Variants in MAPKAP1 observed in about 807,000 individuals in gnomAD.
The protein encoded by MAPKAP1 is MAPK associated protein 1.
MAPKAP1 carries 20 observed loss-of-function variants against 65.7 expected under a neutral mutation model. That is an observed-to-expected ratio of 0.30 (90% CI 0.21 to 0.44). The LOEUF (loss-of-function observed/expected upper bound fraction) is 0.44, where lower values mean the gene tolerates loss of function less well. Ranked by LOEUF, MAPKAP1 falls within the 20% of genes least tolerant of loss-of-function variation. MAPKAP1 has a pLI of 1.00. For synonymous variants in MAPKAP1, 222 were observed against 244.3 expected, an observed-to-expected ratio of 0.91 and a Z score of 0.85; for missense variants, 423 against 648.0, an observed-to-expected ratio of 0.65 and a Z score of 3.77.
intron 1 of MAPKAP1, among the ~76,000 whole-genome samples, chr9:125,705,122 C>T (rs1318941954): frequency 2.0e-5 from 3 of 152,116 alleles, no homozygotes; most frequent in African/African-American, 7.2e-5. Context: ...ATTTCTGTAC[C>T]ATTCATTTTA....
chr9:125,590,013 T>C (rs1428358732), intron 4 of MAPKAP1, among the ~76,000 whole-genome samples: 1 of 152,240 alleles, frequency 6.6e-6, no homozygotes, highest in Non-Finnish European at 1.5e-5. Context: ...GGAATCTTTC[T>C]GGAGTCGGTT....
At chr9:125,609,214 T>C (rs1281349351) in intron 4 of MAPKAP1, among the ~76,000 whole-genome samples, 2 of 152,202 alleles carry the variant, frequency 1.3e-5, no homozygotes, top group Non-Finnish European at 2.9e-5. Flanking sequence ...GCTGAACTGA[T>C]GGGAATGAAA....
rs189194583 is a variant in MAPKAP1 at position 125,496,725 on chromosome 9, T to C, written c.1066+9585A>G. On this transcript the variant is annotated intron_variant, in intron 8 of 11. Coordinates refer to ENST00000265960, the MANE Select transcript of MAPKAP1 (RefSeq NM_001006617.3). Reference sequence around the variant, plus strand: ...TTCATCCTCTTTCTACAGCTGCTTCTTCCCTCTCTCCGTTTCTATTTTGTA... The same window carrying C: ...TTCATCCTCTTTCTACAGCTGCTTCCTCCCTCTCTCCGTTTCTATTTTGTA... Among the ~76,000 whole-genome samples the C allele has an allele frequency of 1.4e-3, 215 of 152,306 alleles. 1 individual carries two copies. The highest frequency in any genetic ancestry group is 2.1e-3 in the Non-Finnish European group (143 of 68,020).
intron 7 of MAPKAP1, chr9:125,521,441 T>C (rs1036810080): frequency 1.3e-5 from 15 of 1,136,632 alleles, no homozygotes; most frequent in Non-Finnish European, 7.6e-6. Context: ...TACAGTTATC[T>C]GTTGCTCTGT....
intron 7 of MAPKAP1, chr9:125,521,649 G>T: frequency 6.5e-7 from 1 of 1,537,968 alleles, no homozygotes; most frequent in Admixed American, 2.2e-5. Context: ...AGAATTTCCC[G>T]TGATGGCAAA....
intron 8 of MAPKAP1, among the ~76,000 whole-genome samples, chr9:125,505,765 C>T (rs1412409688): frequency 1.3e-5 from 2 of 152,224 alleles, no homozygotes; most frequent in Non-Finnish European, 2.9e-5. Context: ...GCCGCAAGCG[C>T]AGTTTCACAC....
chr9:125,565,190 A>C (rs187885023), intron 5 of MAPKAP1, among the ~76,000 whole-genome samples: 5 of 152,328 alleles, frequency 3.3e-5, no homozygotes, highest in African/African-American at 1.2e-4. Flanking sequence ...TAAAAAATTT[A>C]TTTCATTGAA....
intron 7 of MAPKAP1, among the ~76,000 whole-genome samples, chr9:125,524,674 T>A (rs1401315369): frequency 6.6e-6 from 1 of 152,220 alleles, no homozygotes; most frequent in Non-Finnish European, 1.5e-5. Context: ...AGATCTATTA[T>A]CTGGGAGCTG....
In MAPKAP1 at chr9:125,652,100, G is replaced by C. The variant is rs767692827; in HGVS notation, c.498+5551C>G. ...CTAAGGGCAATTTTTCTTTTTACGT[G>C]ATTTCAATTCGCTGACCTTTTCTGA... On this transcript the variant is annotated intron_variant, in intron 4 of 11. Transcript: ENST00000265960. The C allele has an allele frequency of 1.1e-5, 14 of 1,262,642 alleles. No homozygotes were observed. The South Asian group carries it at 1.9e-4, about 17-fold the overall frequency. 78.2% of individuals were successfully genotyped at this position (1,262,642 alleles called of 1,614,324 possible).
chr9:125,533,677 G>C (rs1312994364), intron 7 of MAPKAP1, among the ~76,000 whole-genome samples: 1 of 152,054 alleles, frequency 6.6e-6, no homozygotes, highest in African/African-American at 2.4e-5. Flanking sequence ...TCTCAAACTC[G>C]ACCTCAGGTG....
chr9:125,519,630 T>C (rs148919155), intron 7 of MAPKAP1, among the ~76,000 whole-genome samples: 13 of 142,056 alleles, frequency 9.2e-5, no homozygotes, highest in African/African-American at 2.8e-4. Flanking sequence ...CCTTGTCTAA[T>C]ATATATACAT....
intron 5 of MAPKAP1, among the ~76,000 whole-genome samples, chr9:125,572,247 C>G (rs1482115250): frequency 6.6e-6 from 1 of 152,076 alleles, no homozygotes; most frequent in Non-Finnish European, 1.5e-5. Context: ...CTTGGGACCC[C>G]AAGAGGAGAG....
At chr9:125,624,328 A>G (rs71481304) in intron 4 of MAPKAP1, among the ~76,000 whole-genome samples, 6,166 of 9,302 alleles carry the variant, frequency 0.66, 2,178 homozygotes, top group East Asian at 0.97. Context: ...CCGTCCGGGA[A>G]GGAGGTGGGG....
At chr9:125,561,768 T>C (rs1226159611) in intron 5 of MAPKAP1, among the ~76,000 whole-genome samples, 1 of 152,128 alleles carries the variant, frequency 6.6e-6, no homozygotes, top group Non-Finnish European at 1.5e-5. Context: ...AAAGATTAGA[T>C]CAGATAATAT....
chr9:125,586,431 C>T (rs1831787191), intron 4 of MAPKAP1, among the ~76,000 whole-genome samples: 1 of 152,144 alleles, frequency 6.6e-6, no homozygotes, highest in Non-Finnish European at 1.5e-5. Context: ...ATTTCCTCTA[C>T]CTCTTGGACT....
chr9:125,445,076 C>T (rs745374761), intron 10 of MAPKAP1, among the ~76,000 whole-genome samples: 1 of 151,934 alleles, frequency 6.6e-6, no homozygotes, highest in Middle Eastern at 3.2e-3. Context: ...AGGGAGAATC[C>T]CAGTTTTAGA....
At chr9:125,622,281 T>C (rs986405275) in intron 4 of MAPKAP1, among the ~76,000 whole-genome samples, 2 of 152,154 alleles carry the variant, frequency 1.3e-5, no homozygotes, top group Non-Finnish European at 2.9e-5. Context: ...CATTGTTGCA[T>C]ATTTTCAAAA....
intron 8 of MAPKAP1, among the ~76,000 whole-genome samples, chr9:125,493,589 C>T (rs1225006700): frequency 2.0e-5 from 3 of 152,172 alleles, no homozygotes; most frequent in Non-Finnish European, 4.4e-5. Flanking sequence ...GTACACCACC[C>T]CTTGTATTTA....
At chr9:125,456,113 C>T (rs1853152718) in intron 10 of MAPKAP1, among the ~76,000 whole-genome samples, 1 of 151,338 alleles carries the variant, frequency 6.6e-6, no homozygotes, top group African/African-American at 2.4e-5. Flanking sequence ...AAGTCAGCAA[C>T]TATTCTTATC....
Sources: gnomAD v4.1 joint callset for allele counts (sites outside exome capture counted in the v4.1 genomes callset) on GRCh38, gnomAD v4.1.1 for gene constraint, MANE v1.5 for transcripts, NCBI Gene and HGNC (gene_info 2026-07-23, HGNC 2026-07-21) for gene names.